Variants in MAML2 observed in about 807,000 individuals in gnomAD.
MAML2 encodes the protein mastermind-like protein 2.
Under a neutral mutation model 96.1 loss-of-function variants are expected in MAML2, and 22 were observed. The observed-to-expected ratio is 0.23, with a 90% CI of 0.16 to 0.33. The LOEUF (loss-of-function observed/expected upper bound fraction) is 0.33, where lower values mean the gene tolerates loss of function less well. Among genes scored for constraint, MAML2 ranks in the 10% least tolerant of loss-of-function variants. MAML2 has a pLI of 1.00. For synonymous variants in MAML2, 561 were observed against 521.3 expected (o/e 1.08, Z -1.04); for missense variants, 1,367 against 1,392.4 (o/e 0.98, Z 0.29).
At chr11:96,118,562 A>T (rs928926960) in intron 1 of MAML2, among the ~76,000 whole-genome samples, 3 of 103,520 alleles carry the variant, frequency 2.9e-5, no homozygotes, top group Admixed American at 1.9e-4. Flanking sequence ...TGTTTATAGC[A>T]GTGTGAAAAT....
Position 96,342,296 on chromosome 11 carries a change from AAC to A in MAML2, c.-403_-402del. ...CAGGGATTGTCCAGCAAGAGACAGA[AAC>A]ACACAGCAAAAGGTATTGAGAGAGG... On this transcript the variant is annotated 5_prime_UTR_variant, in exon 1 of 5. Coordinates refer to ENST00000524717, the MANE Select transcript of MAML2 (RefSeq NM_032427.4). 2.3e-6 allele frequency: 1 copy of A among 425,880 alleles called. No homozygotes were observed. The highest frequency in any genetic ancestry group is 4.1e-6 in the Non-Finnish European group (1 of 241,116). The allele number at this position is 425,880 out of a possible 1,614,324, so 26.4% of individuals were successfully genotyped here. A position where few individuals can be genotyped will look rare whatever the true frequency, so the allele number is the denominator to read the frequency against.
In MAML2 at chr11:95,985,583, A is replaced by G; in HGVS notation, c.2403T>C (p.Tyr801=). 6.2e-7 allele frequency: 1 copy of G among 1,612,888 alleles called. No homozygotes were observed. Among genetic ancestry groups the G allele is most frequent in the Non-Finnish European group, 8.5e-7 (1 of 1,179,322 alleles). ...TGCCCACATTTCTTCTTTGGTCTTT[A>G]TAATCTGGAGGTGGCCTTGACAAAT... The part of the protein sequence containing the change: ...NRHLSRPPPD[Y]KDQRRNVGNM... Residue 801 remains tyrosine (Y), a synonymous_variant, in exon 4 of 5, where the codon TAT becomes TAC. Transcript: ENST00000524717.
intron 2 of MAML2, among the ~76,000 whole-genome samples, chr11:96,062,096 T>A (rs1167895902): frequency 6.6e-6 from 1 of 152,348 alleles, no homozygotes; most frequent in Non-Finnish European, 1.5e-5. Context: ...TAGTAGTCTT[T>A]TCTGATAAAT....
intron 1 of MAML2, among the ~76,000 whole-genome samples, chr11:96,302,034 C>T (rs1174753984): frequency 6.6e-6 from 1 of 152,186 alleles, no homozygotes; most frequent in African/African-American, 2.4e-5. Context: ...AAAATACAGT[C>T]TCATGCCACC....
At chr11:96,051,598 G>C (rs558207366) in intron 2 of MAML2, among the ~76,000 whole-genome samples, 1 of 152,120 alleles carries the variant, frequency 6.6e-6, no homozygotes, top group African/African-American at 2.4e-5. Context: ...GTGTTATTTA[G>C]TGTGATGTGC....
intron 2 of MAML2, among the ~76,000 whole-genome samples, chr11:96,014,032 T>C (rs111265141): frequency 0.016 from 2,385 of 152,130 alleles, 37 homozygotes; most frequent in East Asian, 0.063. Context: ...GCCGTAAACA[T>C]TCACCCCTAG....
At chr11:96,283,154 A>G (rs991558409) in intron 1 of MAML2, among the ~76,000 whole-genome samples, 1 of 152,224 alleles carries the variant, frequency 6.6e-6, no homozygotes, top group Non-Finnish European at 1.5e-5. Context: ...GCCATAAACT[A>G]AAGTGATGTT....
chr11:95,989,595 A>AT (rs1345117379), intron 3 of MAML2, among the ~76,000 whole-genome samples: 1 of 152,010 alleles, frequency 6.6e-6, no homozygotes, highest in African/African-American at 2.4e-5. Context: ...TAGATTACAC[A>AT]TTTTTCTCTC....
At chr11:96,226,857 C>T (rs557744976) in intron 1 of MAML2, among the ~76,000 whole-genome samples, 4 of 152,276 alleles carry the variant, frequency 2.6e-5, no homozygotes, top group South Asian at 2.1e-4. Context: ...AGCCCTTATT[C>T]CCCTAAAAAC....
At chr11:96,200,489 C>T (rs1339624626) in intron 1 of MAML2, among the ~76,000 whole-genome samples, 1 of 152,110 alleles carries the variant, frequency 6.6e-6, no homozygotes, top group Non-Finnish European at 1.5e-5. Context: ...CTATCCTGTG[C>T]CTAAGAGCAA....
Position 96,030,232 on chromosome 11 carries a change from T to C in MAML2, c.2140-38509A>G, listed in dbSNP as rs572005485. 1.6e-3 allele frequency among the ~76,000 whole-genome samples: 212 copies of C among 136,662 alleles called. 1 individual carries two copies. Among genetic ancestry groups the C allele is most frequent in the Admixed American group, 2.9e-3 (40 of 13,708 alleles). 89.7% of individuals were successfully genotyped at this position (136,662 alleles called of 152,430 possible). A position where few individuals can be genotyped will look rare whatever the true frequency, so the allele number is the denominator to read the frequency against. On this transcript the variant is annotated intron_variant, in intron 2 of 4. Coordinates refer to ENST00000524717, the MANE Select transcript of MAML2 (RefSeq NM_032427.4). Reference sequence around the variant, plus strand: ...GCCTGGGCAACAGAGTGAGACTCCATAAAAAAAAAAAAATCATATGGAAAG... The same window carrying C: ...GCCTGGGCAACAGAGTGAGACTCCACAAAAAAAAAAAAATCATATGGAAAG...
intron 1 of MAML2, among the ~76,000 whole-genome samples, chr11:96,147,614 C>T (rs971029866): frequency 6.6e-6 from 1 of 152,218 alleles, no homozygotes; most frequent in Non-Finnish European, 1.5e-5. Flanking sequence ...ACCTTTTCCA[C>T]GTAGGTGAAG....
chr11:96,143,394 C>G (rs1045037583), intron 1 of MAML2, among the ~76,000 whole-genome samples: 2 of 152,108 alleles, frequency 1.3e-5, no homozygotes, highest in African/African-American at 4.8e-5. Flanking sequence ...AATCTTTGAG[C>G]CCTCGGTCAT....
chr11:96,326,730 A>C (rs1863790701), intron 1 of MAML2, among the ~76,000 whole-genome samples: 1 of 151,906 alleles, frequency 6.6e-6, no homozygotes, highest in African/African-American at 2.4e-5. Context: ...GCACAATTGC[A>C]CTCCAGCCGG....
chr11:96,193,293 C>A (rs549239972), intron 1 of MAML2, among the ~76,000 whole-genome samples: 2 of 152,114 alleles, frequency 1.3e-5, no homozygotes, highest in Middle Eastern at 3.2e-3. Flanking sequence ...CATTTGAACC[C>A]GGGAGGCGGA....
intron 2 of MAML2, among the ~76,000 whole-genome samples, chr11:96,004,317 T>G (rs2135721330): frequency 6.6e-6 from 1 of 152,238 alleles, no homozygotes; most frequent in East Asian, 1.9e-4. Context: ...AGAAAATCAC[T>G]TTTAAAGGGT....
chr11:96,183,224 G>A (rs532376687), intron 1 of MAML2, among the ~76,000 whole-genome samples: 6 of 152,232 alleles, frequency 3.9e-5, no homozygotes, highest in East Asian at 1.9e-4. Flanking sequence ...CTCCCAACGC[G>A]CTGGGATTAC....
At position 96,161,959 on chromosome 11, in the gene MAML2, C is replaced by A. The variant is rs533988978; in HGVS notation, c.514-68442G>T. On this transcript the variant is annotated intron_variant, in intron 1 of 4. Transcript: ENST00000524717. ...GTGGGCTGAAAGCTAGCTCTTCAGG[C>A]CCTCAGCACATTACTCCCTTCTACT... Among the ~76,000 whole-genome samples the A allele has an allele frequency of 2.1e-3, 317 of 152,276 alleles. 2 individuals are homozygous for A. Among genetic ancestry groups the A allele is most frequent in the Middle Eastern group, 0.01 (3 of 294 alleles).
At chr11:96,027,090 G>A (rs1047227499) in intron 2 of MAML2, among the ~76,000 whole-genome samples, 2 of 152,152 alleles carry the variant, frequency 1.3e-5, no homozygotes, top group African/African-American at 4.8e-5. Context: ...TCTAGCTAAG[G>A]TGACAATGCC....
Sources: gnomAD v4.1 joint callset for allele counts (sites outside exome capture counted in the v4.1 genomes callset) on GRCh38, gnomAD v4.1.1 for gene constraint, MANE v1.5 for transcripts, NCBI Gene and HGNC (gene_info 2026-07-23, HGNC 2026-07-21) for gene names.